The following RXFP2 variants were observed in gnomAD, a reference collection of about 807,000 sequenced individuals.
The protein encoded by RXFP2 is relaxin family peptide receptor 2, also known as relaxin receptor 2.
In RXFP2, 68 loss-of-function variants were observed where a neutral mutation model predicts 88.6. The ratio of observed to expected loss-of-function variants is 0.77; its 90% CI spans 0.63 to 0.94. The LOEUF (loss-of-function observed/expected upper bound fraction) is 0.94, where lower values mean the gene tolerates loss of function less well. Ranked by LOEUF, RXFP2 falls within the 40% of genes least tolerant of loss-of-function variation. RXFP2 has a pLI of 0.00. For missense variants in RXFP2, 791 were observed against 893.9 expected, an observed-to-expected ratio of 0.88 and a Z score of 1.47; for synonymous variants, 329 against 306.8, an observed-to-expected ratio of 1.07 and a Z score of -0.76.
chr13:31,744,945 G>T (rs1871350634), intron 1 of RXFP2, among the ~76,000 whole-genome samples: 1 of 152,152 alleles, frequency 6.6e-6, no homozygotes, highest in Non-Finnish European at 1.5e-5. Context: ...GAGGTGGGCA[G>T]ATCGCCTGAG....
Position 31,802,289 on chromosome 13 carries a change from A to G in RXFP2, c.2149A>G (p.Ile717Val). ...ACATCAGAGGAAATCAATTTTCAAA[A>G]TTAAAAAAAAAAGTTTATCTACATC... is the stretch of plus-strand genomic sequence containing the variant. ...HKHQRKSIFK[I>V]KKKSLSTSIV... Residue 717 changes from isoleucine to valine, a missense_variant, in exon 18 of 18, where the codon ATT becomes GTT. By Grantham distance (29) the Ile-to-Val change is conservative. Coordinates refer to ENST00000298386, the MANE Select transcript of RXFP2 (RefSeq NM_130806.5). 1 of 1,613,806 alleles carries G rather than the reference A, an allele frequency of 6.2e-7. No homozygotes were observed. Among genetic ancestry groups the G allele is most frequent in the Non-Finnish European group, 8.5e-7 (1 of 1,179,856 alleles).
chr13:31,759,887 C>T (rs564125268), intron 2 of RXFP2, among the ~76,000 whole-genome samples: 1 of 152,190 alleles, frequency 6.6e-6, no homozygotes, highest in African/African-American at 2.4e-5. Flanking sequence ...ATCCACACTT[C>T]CCGTGGATCA....
intron 1 of RXFP2, among the ~76,000 whole-genome samples, chr13:31,743,837 G>T (rs543181098): frequency 2.0e-5 from 3 of 151,748 alleles, no homozygotes; most frequent in African/African-American, 7.3e-5. Flanking sequence ...CTTGCTCTCT[G>T]AGTTCCCATA....
At chr13:31,762,120 C>T (rs1423717524) in intron 3 of RXFP2, among the ~76,000 whole-genome samples, 1 of 152,168 alleles carries the variant, frequency 6.6e-6, no homozygotes, top group Admixed American at 6.5e-5. Context: ...GAGAGGACAA[C>T]GATGACTAAG....
At chr13:31,765,670 T>G (rs1872522126) in intron 4 of RXFP2, among the ~76,000 whole-genome samples, 1 of 152,198 alleles carries the variant, frequency 6.6e-6, no homozygotes, top group Non-Finnish European at 1.5e-5. Context: ...TGGTTTGGTT[T>G]GGTTTGTTAA....
Position 31,786,619 on chromosome 13 carries a change from TTA to T in RXFP2, c.1056_1057del (p.Lys353ThrfsTer57). On this transcript the variant is annotated frameshift_variant, in exon 13 of 18. Transcript: ENST00000298386. LOFTEE classifies it high-confidence loss of function. ...CTTCACAAGAACCAGTTTGAAAGTCTTAAACAACTTCAGTCTCTGTAAGTGAA... is the reference window on the plus strand; with the variant it reads ...CTTCACAAGAACCAGTTTGAAAGTCTAACAACTTCAGTCTCTGTAAGTGAA... 6.3e-7 allele frequency: 1 copy of T among 1,592,230 alleles called. No individual in the cohort carries two copies. The highest frequency in any genetic ancestry group is 1.3e-5 in the African/African-American group (1 of 74,600).
intron 16 of RXFP2, among the ~76,000 whole-genome samples, chr13:31,793,833 T>G (rs150858849): frequency 7.0e-4 from 106 of 152,358 alleles, no homozygotes; most frequent in African/African-American, 2.5e-3. Context: ...TTCTGTCCTT[T>G]CTTTTTCTTC....
chr13:31,798,089 C>T (rs549232187), intron 17 of RXFP2, among the ~76,000 whole-genome samples: 1 of 152,246 alleles, frequency 6.6e-6, no homozygotes, highest in South Asian at 2.1e-4. Context: ...CTGTTCCAGC[C>T]GATAGCAGAT....
At chr13:31,760,273 T>A (rs1214627999) in intron 2 of RXFP2, among the ~76,000 whole-genome samples, 2 of 152,120 alleles carry the variant, frequency 1.3e-5, no homozygotes, top group Non-Finnish European at 2.9e-5. Flanking sequence ...GTATTTTTAA[T>A]AGAGACGGGG....
intron 14 of RXFP2, 105 bp from the exon 15 acceptor site, chr13:31,791,701 T>C: frequency 1.3e-6 from 1 of 786,866 alleles, no homozygotes; most frequent in Non-Finnish European, 2.3e-6. Flanking sequence ...TAAACAAACC[T>C]AGTGAAGTTG....
chr13:31,792,841 G>T lies in RXFP2; in HGVS notation c.1539G>T (p.Leu513=). Residue 513 remains leucine (L), a synonymous_variant, in exon 16 of 18, where the codon CTG becomes CTT. Coordinates refer to ENST00000298386, the MANE Select transcript of RXFP2 (RefSeq NM_130806.5). The part of the protein sequence containing the change: ...MLSTEVSVLL[L]TYLTLEKFLV... Reference sequence around the variant, plus strand: ...CCACCGAAGTCTCTGTTCTGCTACTGACCTACTTGACTTTGGAGAAGTTCC... The same window carrying T: ...CCACCGAAGTCTCTGTTCTGCTACTTACCTACTTGACTTTGGAGAAGTTCC... The T allele has an allele frequency of 1.9e-6, 3 of 1,614,158 alleles. No individual in the cohort carries two copies. Among genetic ancestry groups the T allele is most frequent in the Non-Finnish European group, 2.5e-6 (3 of 1,180,040 alleles).
In RXFP2 at chr13:31,791,918, A is replaced by G. The variant is rs554578320; in HGVS notation, c.1258A>G (p.Ile420Val). The G allele has an allele frequency of 6.2e-7, 1 of 1,613,996 alleles. No homozygotes were observed. The highest frequency in any genetic ancestry group is 8.5e-7 in the Non-Finnish European group (1 of 1,179,996). ...CCTCTTGGCTAACAATATCCTCAGA[A>G]TATTTGTCTGGGTTATAGCTTTCAT... ...EDLLANNILR[I>V]FVWVIAFITC... Residue 420 changes from isoleucine (I) to valine (V), a missense_variant, in exon 15 of 18, where the codon ATA (isoleucine) becomes GTA (valine). Physicochemically the swap from Ile to Val is conservative, Grantham distance 29. Transcript: ENST00000298386.
At chr13:31,749,637 T>A (rs1335463047) in intron 1 of RXFP2, among the ~76,000 whole-genome samples, 2 of 152,234 alleles carry the variant, frequency 1.3e-5, no homozygotes, top group African/African-American at 4.8e-5. Context: ...TTAGACTTAT[T>A]CCTAAATACA....
intron 8 of RXFP2, 69 bp downstream of exon 8, chr13:31,777,516 A>G (rs964191981): frequency 1.0e-4 from 118 of 1,185,684 alleles, no homozygotes; most frequent in Non-Finnish European, 1.4e-4. Flanking sequence ...TAGCTTACAA[A>G]AAGAACTTTT....
intron 8 of RXFP2, 51 bp downstream of exon 8, chr13:31,777,498 T>C (rs746483866): frequency 4.6e-6 from 6 of 1,291,644 alleles, no homozygotes; most frequent in East Asian, 2.3e-5. Context: ...TGCAATGACA[T>C]CTAGCACTAG....
At chr13:31,744,867 A>G (rs139319387) in intron 1 of RXFP2, among the ~76,000 whole-genome samples, 453 of 152,260 alleles carry the variant, frequency 3.0e-3, no homozygotes, top group African/African-American at 0.01. Context: ...AGAGTTTAAA[A>G]TAGTCTTTAA....
Position 31,758,411 on chromosome 13 carries a change from G to A in RXFP2, c.241+7G>A. 1 of 1,613,888 alleles carries A rather than the reference G, an allele frequency of 6.2e-7. No individual in the cohort carries two copies. The highest frequency in any genetic ancestry group is 8.5e-7 in the Non-Finnish European group (1 of 1,179,836). ...GCGGACGAAGAGAACTGTGGTGAGT[G>A]CTCCCCTCGGCTCCCCATGTGTGCC... On this transcript the variant is annotated splice_region_variant and intron_variant, in intron 2 of 17. Coordinates refer to ENST00000298386, the MANE Select transcript of RXFP2 (RefSeq NM_130806.5).
chr13:31,795,692 A>T (rs1873998541), intron 16 of RXFP2, among the ~76,000 whole-genome samples: 1 of 152,238 alleles, frequency 6.6e-6, no homozygotes, highest in African/African-American at 2.4e-5. Flanking sequence ...AGACTTCACC[A>T]ATCTTACATA....
In RXFP2 at chr13:31,802,748, C is replaced by T; in HGVS notation, c.*343C>T. Reference sequence around the variant, plus strand: ...GTGTGGTCTTTCACATCGGGTTGCACTGTCCATGAAATAGAAACACTCACA... The same window carrying T: ...GTGTGGTCTTTCACATCGGGTTGCATTGTCCATGAAATAGAAACACTCACA... On this transcript the variant is annotated 3_prime_UTR_variant, in exon 18 of 18. Coordinates refer to ENST00000298386, the MANE Select transcript of RXFP2 (RefSeq NM_130806.5). 2 of 295,566 alleles carry T rather than the reference C, an allele frequency of 6.8e-6. No homozygotes were observed. Among genetic ancestry groups the T allele is most frequent in the South Asian group, 8.0e-5 (2 of 24,948 alleles). 18.3% of individuals were successfully genotyped at this position (295,566 alleles called of 1,614,324 possible).
Sources: gnomAD v4.1 joint callset for allele counts (sites outside exome capture counted in the v4.1 genomes callset) on GRCh38, gnomAD v4.1.1 for gene constraint, MANE v1.5 for transcripts, NCBI Gene and HGNC (gene_info 2026-07-23, HGNC 2026-07-21) for gene names.